The following GSTCD variants were observed in gnomAD, a reference collection of about 807,000 sequenced individuals.
GSTCD encodes the protein glutathione S-transferase C-terminal domain containing, also known as glutathione S-transferase C-terminal domain-containing protein.
Under a neutral mutation model 68.3 loss-of-function variants are expected in GSTCD, and 44 were observed. That is an observed-to-expected ratio of 0.64 (90% CI 0.51 to 0.83). The LOEUF is 0.83. Ranked by LOEUF, GSTCD falls within the 40% of genes least tolerant of loss-of-function variation. GSTCD has a pLI of 0.00. For missense variants in GSTCD, 739 were observed against 735.9 expected, an observed-to-expected ratio of 1.00 and a Z score of -0.05; for synonymous variants, 273 against 255.2, an observed-to-expected ratio of 1.07 and a Z score of -0.67.
At chr4:105,756,580 G>GTATA (rs3055930) in intron 5 of GSTCD, among the ~76,000 whole-genome samples, 3 of 142,438 alleles carry the variant, frequency 2.1e-5, no homozygotes, top group South Asian at 2.3e-4. Context: ...GTGTGTGTGT[G>GTATA]TATATATATA....
intron 8 of GSTCD, among the ~76,000 whole-genome samples, chr4:105,833,156 G>A (rs1199950942): frequency 2.0e-5 from 3 of 152,102 alleles, no homozygotes; most frequent in Admixed American, 6.6e-5. Flanking sequence ...GTTCAAAGGG[G>A]GCATCTGGTT....
intron 5 of GSTCD, among the ~76,000 whole-genome samples, chr4:105,817,533 T>C (rs926862611): frequency 1.3e-5 from 2 of 151,880 alleles, no homozygotes; most frequent in Non-Finnish European, 2.9e-5. Flanking sequence ...ACAAGAAAAT[T>C]GTCACATTGA....
In GSTCD at chr4:105,845,691, G is replaced by A. The variant is rs1162558874; in HGVS notation, c.*114G>A. 3.6e-6 allele frequency: 4 copies of A among 1,111,222 alleles called. No homozygotes were observed. In the African/African-American group the frequency reaches 6.2e-5, roughly 17 times the overall value. 68.8% of individuals were successfully genotyped at this position (1,111,222 alleles called of 1,614,324 possible). A position where few individuals can be genotyped will look rare whatever the true frequency, so the allele number is the denominator to read the frequency against. Reference sequence around the variant, plus strand: ...CAGCATTAGCCATCTTGAACCTATTGTGCTCAGGAAGGAAAGCAACAGGGA... The same window carrying A: ...CAGCATTAGCCATCTTGAACCTATTATGCTCAGGAAGGAAAGCAACAGGGA... On this transcript the variant is annotated 3_prime_UTR_variant, in exon 12 of 12. Transcript: ENST00000515279.
chr4:105,772,870 A>G (rs1376439592), intron 5 of GSTCD, among the ~76,000 whole-genome samples: 1 of 152,216 alleles, frequency 6.6e-6, no homozygotes, highest in East Asian at 1.9e-4. Context: ...TGTTGGCCTC[A>G]TAAAATGAGT....
chr4:105,843,102 A>G (rs569348936), intron 11 of GSTCD, among the ~76,000 whole-genome samples: 1 of 152,338 alleles, frequency 6.6e-6, no homozygotes, highest in South Asian at 2.1e-4. Context: ...TTGGCTGAGC[A>G]CCAGATGAAG....
At chr4:105,822,877 T>C in intron 5 of GSTCD, 77 bp from the exon 6 acceptor site, 1 of 938,644 alleles carries the variant, frequency 1.1e-6, no homozygotes, top group Non-Finnish European at 1.7e-6. Flanking sequence ...TCTATGCTGG[T>C]AGTCTATTTT....
At chr4:105,831,564 TTTTG>T (rs1258638233) in intron 8 of GSTCD, among the ~76,000 whole-genome samples, 1 of 152,252 alleles carries the variant, frequency 6.6e-6, no homozygotes, top group Admixed American at 6.5e-5. Context: ...ATTGACCAAT[TTTTG>T]TTTAAGAACT....
intron 5 of GSTCD, among the ~76,000 whole-genome samples, chr4:105,778,110 A>G (rs1735140495): frequency 6.6e-6 from 1 of 152,158 alleles, no homozygotes; most frequent in Non-Finnish European, 1.5e-5. Context: ...AGAAATGAAC[A>G]ACAAAAAAAC....
At chr4:105,765,733 T>A (rs1734578783) in intron 5 of GSTCD, among the ~76,000 whole-genome samples, 1 of 152,128 alleles carries the variant, frequency 6.6e-6, no homozygotes, top group Admixed American at 6.6e-5. Context: ...TGGGAGGTGA[T>A]TAGATCATGG....
intron 1 of GSTCD, among the ~76,000 whole-genome samples, chr4:105,711,675 T>C (rs1436255394): frequency 6.6e-6 from 1 of 152,250 alleles, no homozygotes; most frequent in East Asian, 1.9e-4. Context: ...CATTTTATTA[T>C]ATAAGTGAGG....
intron 8 of GSTCD, chr4:105,826,101 A>G (rs1487272922): frequency 3.8e-5 from 6 of 155,958 alleles, no homozygotes; most frequent in Non-Finnish European, 8.5e-5. Context: ...ATTCTGATGA[A>G]CATGACTTGC....
rs532682491 is a variant in GSTCD, at chr4:105,766,563, TTTAA to T, written c.1240+37071_1240+37074del. Among the ~76,000 whole-genome samples, 138 of 152,312 alleles carry T rather than the reference TTTAA, an allele frequency of 9.1e-4. 2 individuals carry two copies. In the South Asian group the frequency reaches 0.027, roughly 30 times the overall value. Reference sequence around the variant, plus strand: ...TAGAGTCATCTGGTTTTTTTTCTTATTTAATTAATTCTATTTTTGTCATAATACC... The same window carrying T: ...TAGAGTCATCTGGTTTTTTTTCTTATTTAATTCTATTTTTGTCATAATACC... On this transcript the variant is annotated intron_variant, in intron 5 of 11. Coordinates refer to ENST00000515279, the MANE Select transcript of GSTCD (RefSeq NM_001370181.1).
At chr4:105,750,391 C>T (rs1285150425) in intron 5 of GSTCD, among the ~76,000 whole-genome samples, 2 of 143,150 alleles carry the variant, frequency 1.4e-5, no homozygotes, top group African/African-American at 2.6e-5. Flanking sequence ...ATCTGGGAGG[C>T]GGAGGTTGCT....
intron 10 of GSTCD, among the ~76,000 whole-genome samples, chr4:105,841,674 G>A (rs1578529025): frequency 6.7e-6 from 1 of 150,118 alleles, no homozygotes. Flanking sequence ...CGTTTCTATT[G>A]AAAAAAAAAT....
At chr4:105,761,960 G>A (rs961455126) in intron 5 of GSTCD, 17 of 152,136 alleles carry the variant, frequency 1.1e-4, no homozygotes, top group African/African-American at 4.1e-4. Context: ...CTGGATATTG[G>A]TGGGTCTCCC....
chr4:105,791,500 A>G (rs1412845516), intron 5 of GSTCD, among the ~76,000 whole-genome samples: 1 of 152,088 alleles, frequency 6.6e-6, no homozygotes, highest in African/African-American at 2.4e-5. Context: ...ATTGCTTTGA[A>G]TGTCATTGAT....
chr4:105,735,577 G>A lies in GSTCD; in HGVS notation c.1240+6078G>A, dbSNP rs556970702. Among the ~76,000 whole-genome samples, 4 of 152,234 alleles carry A rather than the reference G, an allele frequency of 2.6e-5. No homozygotes were observed. The East Asian group carries it at 5.8e-4, about 22-fold the overall frequency. ...AATTTTCCGGGTGCTGTGTGTCACCGCTTCCCTTGGCTAGGAAAGGGAATT... is the reference window on the plus strand; with the variant it reads ...AATTTTCCGGGTGCTGTGTGTCACCACTTCCCTTGGCTAGGAAAGGGAATT... On this transcript the variant is annotated intron_variant, in intron 5 of 11. Transcript: ENST00000515279.
intron 10 of GSTCD, 121 bp from the exon 11 acceptor site, chr4:105,841,944 A>T: frequency 1.4e-6 from 1 of 710,098 alleles, no homozygotes; most frequent in Non-Finnish European, 2.5e-6. Context: ...TTTGTGCAGT[A>T]CTTTATTCAG....
intron 4 of GSTCD, among the ~76,000 whole-genome samples, chr4:105,728,291 T>G (rs1357286178): frequency 6.6e-6 from 1 of 152,174 alleles, no homozygotes; most frequent in Non-Finnish European, 1.5e-5. Context: ...TATATGGTAT[T>G]AATATATATA....
Sources: allele counts gnomAD v4.1 joint callset (sites outside exome capture counted in the v4.1 genomes callset), GRCh38; gene constraint gnomAD v4.1.1; transcripts MANE v1.5; gene names NCBI Gene and HGNC (gene_info 2026-07-23, HGNC 2026-07-21).